CHD6: variants seen among roughly 807,000 people sequenced by gnomAD.
The protein encoded by CHD6 is chromodomain helicase DNA binding protein 6.
In CHD6, 50 loss-of-function variants were observed where a neutral mutation model predicts 276.9. The observed-to-expected ratio is 0.18, with a 90% confidence interval of 0.14 to 0.23. CHD6 has a LOEUF of 0.23. CHD6 is among the 10% of genes least tolerant of loss of function. The pLI is 1.00. For synonymous variants in CHD6, 1,173 were observed against 1,229.3 expected (o/e 0.95, Z 0.96); for missense variants, 2,564 against 3,365.8 (o/e 0.76, Z 5.89).
chr20:41,406,640 A>G (rs2046684308), intron 36 of CHD6, among the ~76,000 whole-genome samples: 2 of 152,160 alleles, frequency 1.3e-5, no homozygotes, highest in African/African-American at 2.4e-5. Flanking sequence ...TCTTTCTCTG[A>G]ATTTATAATC....
At chr20:41,416,490 C>G in intron 33 of CHD6, 98 bp downstream of exon 33, 1 of 1,148,090 alleles carries the variant, frequency 8.7e-7, no homozygotes, top group Admixed American at 2.3e-5. Context: ...AAACCCCTAT[C>G]CACTCAGTAA....
chr20:41,499,012 C>G (rs1054671344), intron 6 of CHD6, among the ~76,000 whole-genome samples: 1 of 151,976 alleles, frequency 6.6e-6, no homozygotes, highest in African/African-American at 2.4e-5. Flanking sequence ...CTTCTTGGCC[C>G]TCTGCTAAAT....
intron 17 of CHD6, among the ~76,000 whole-genome samples, chr20:41,460,276 G>A (rs1458945040): frequency 4.6e-5 from 7 of 152,216 alleles, no homozygotes; most frequent in East Asian, 1.9e-4. Context: ...CTGACTATGC[G>A]ATAGAAAAGA....
intron 31 of CHD6, among the ~76,000 whole-genome samples, chr20:41,418,782 C>T (rs2047087019): frequency 6.6e-6 from 1 of 152,106 alleles, no homozygotes; most frequent in South Asian, 2.1e-4. Flanking sequence ...GGATCCCTTC[C>T]AGGGTCTGCA....
chr20:41,537,490 A>G (rs2044857887), intron 2 of CHD6, among the ~76,000 whole-genome samples: 1 of 152,190 alleles, frequency 6.6e-6, no homozygotes. Context: ...GCATCCTCAG[A>G]TTTTGGTATT....
chr20:41,427,402 G>T (rs1419833586), intron 27 of CHD6, among the ~76,000 whole-genome samples: 2 of 152,016 alleles, frequency 1.3e-5, no homozygotes, highest in Non-Finnish European at 2.9e-5. Flanking sequence ...CTTTTACATG[G>T]CTCATCTCAC....
chr20:41,604,439 G>A (rs1244592585), intron 1 of CHD6, among the ~76,000 whole-genome samples: 1 of 152,130 alleles, frequency 6.6e-6, no homozygotes, highest in Non-Finnish European at 1.5e-5. Context: ...ATAATGACTG[G>A]TCATGAAAAT....
At chr20:41,484,314 T>C (rs751946610) in intron 15 of CHD6, 38 bp downstream of exon 15, 88 of 1,611,392 alleles carry the variant, frequency 5.5e-5, no homozygotes, top group Non-Finnish European at 6.8e-5. Context: ...GCAGAGGTCA[T>C]GGCAGTCCTG....
intron 36 of CHD6, among the ~76,000 whole-genome samples, chr20:41,406,391 C>A (rs1037063573): frequency 2.0e-5 from 3 of 152,242 alleles, no homozygotes; most frequent in African/African-American, 7.2e-5. Flanking sequence ...GGTGATCTGG[C>A]ATCTGCACTG....
chr20:41,524,249 G>A (rs749203915), intron 3 of CHD6, among the ~76,000 whole-genome samples: 3 of 152,086 alleles, frequency 2.0e-5, no homozygotes, highest in Non-Finnish European at 4.4e-5. Context: ...AGTCTACATA[G>A]AAAACTGAGT....
chr20:41,541,095 C>T (rs2044933540), intron 2 of CHD6, among the ~76,000 whole-genome samples: 3 of 150,882 alleles, frequency 2.0e-5, no homozygotes, highest in Admixed American at 6.6e-5. Flanking sequence ...TGGAACTTAT[C>T]CACTCAGCAA....
intron 3 of CHD6, among the ~76,000 whole-genome samples, chr20:41,521,153 T>C (rs1020550151): frequency 4.6e-5 from 7 of 152,054 alleles, no homozygotes; most frequent in African/African-American, 1.2e-4. Flanking sequence ...AAACTAAAGA[T>C]GAAAACAAGC....
chr20:41,498,188 G>A lies in CHD6; in HGVS notation c.954C>T (p.Phe318=), dbSNP rs575769299. The A allele has an allele frequency of 3.2e-5, 52 of 1,611,400 alleles. No homozygotes were observed. In the South Asian group the frequency reaches 5.2e-4, roughly 16 times the overall value. ...PGEPPFDLEL[F]YVKYRNFSYL... is the part of the protein sequence containing the mutation. ...CGTACAAATTTCTATACTTAACGTAGAACAGCTCCAAGTCGAACGGAGGTT... is the reference window on the plus strand; with the variant it reads ...CGTACAAATTTCTATACTTAACGTAAAACAGCTCCAAGTCGAACGGAGGTT... Residue 318 remains phenylalanine (F), a synonymous_variant, in exon 7 of 37, where the codon TTC becomes TTT. Coordinates refer to ENST00000373233, the MANE Select transcript of CHD6 (RefSeq NM_032221.5).
intron 5 of CHD6, among the ~76,000 whole-genome samples, chr20:41,509,113 G>T (rs975942982): frequency 6.6e-6 from 1 of 152,124 alleles, no homozygotes; most frequent in South Asian, 2.1e-4. Flanking sequence ...GGAACAATCA[G>T]GAGTGATCAT....
intron 1 of CHD6, among the ~76,000 whole-genome samples, chr20:41,586,223 A>C (rs1056077295): frequency 2.0e-5 from 3 of 152,168 alleles, no homozygotes; most frequent in African/African-American, 7.2e-5. Context: ...GTTCCGGCTC[A>C]AGCTGAGCTT....
chr20:41,464,991 A>T, intron 17 of CHD6, among the ~76,000 whole-genome samples: 1 of 152,256 alleles, frequency 6.6e-6, no homozygotes, highest in Non-Finnish European at 1.5e-5. Context: ...AAAATCCACA[A>T]GTCAATACTG....
Position 41,454,681 on chromosome 20 carries a change from A to G in CHD6, c.3065T>C (p.Phe1022Ser). 1 of 1,613,956 alleles carries G rather than the reference A, an allele frequency of 6.2e-7. No homozygotes were observed. The change falls in exon 20 of 37, where the codon TTT becomes TCT. Residue 1022 changes from phenylalanine to serine, a missense_variant. This residue lies in a region of CHD6 where 19 missense variants were observed against 74.7 expected (regional missense o/e 0.25). Transcript: ENST00000373233. Reference protein sequence around the residue: ...RTDISLDDPNFWQKWAKIAEL... With the variant: ...RTDISLDDPNSWQKWAKIAEL... Reference sequence around the variant, plus strand: ...AGCTATTTTAGCCCATTTCTGCCAAAAGTTAGGATCATCTAAGGAAATATC... The same window carrying G: ...AGCTATTTTAGCCCATTTCTGCCAAGAGTTAGGATCATCTAAGGAAATATC...
chr20:41,484,679 C>G (rs2043370474), intron 14 of CHD6, 72 bp from the exon 15 acceptor site: 1 of 1,503,702 alleles, frequency 6.7e-7, no homozygotes, highest in African/African-American at 1.4e-5. Flanking sequence ...TTCCAACCTT[C>G]ACTCTAATTT....
chr20:41,532,718 T>C (rs999294039), intron 3 of CHD6, among the ~76,000 whole-genome samples: 3 of 152,218 alleles, frequency 2.0e-5, no homozygotes, highest in Non-Finnish European at 2.9e-5. Context: ...TCTACACAGC[T>C]AGCAACTAAA....
Sources: gnomAD v4.1 joint callset for allele counts (sites outside exome capture counted in the v4.1 genomes callset) on GRCh38, gnomAD v4.1.1 for gene constraint, gnomAD v4.1.1 regional missense constraint, MANE v1.5 for transcripts, NCBI Gene and HGNC (gene_info 2026-07-23, HGNC 2026-07-21) for gene names.